Variants in RPS6KC1 observed in about 807,000 individuals in gnomAD.
RPS6KC1 encodes the protein ribosomal protein S6 kinase C1.
Under a neutral mutation model 103.8 loss-of-function variants are expected in RPS6KC1, and 54 were observed. The observed-to-expected ratio is 0.52, with a 90% CI of 0.42 to 0.65. The LOEUF is 0.65. RPS6KC1 is among the 30% of genes least tolerant of loss of function. The probability of loss-of-function intolerance (pLI) is 0.00; values close to 1 mark genes in which losing one functional copy is unlikely to be tolerated. For synonymous variants in RPS6KC1, 439 were observed against 438.7 expected, an observed-to-expected ratio of 1.00 and a Z score of -0.01; for missense variants, 1,151 against 1,253.8, an observed-to-expected ratio of 0.92 and a Z score of 1.24.
the RPS6KC1 span, among the ~76,000 whole-genome samples, chr1:213,607,688 T>TACACACACAC: frequency 0.013 from 1,859 of 140,858 alleles, 14 homozygotes; most frequent in Middle Eastern, 0.018. Flanking sequence ...CAGTTGCAAT[T>TACACACACAC]ACACACACAC....
chr1:213,059,761 C>T (rs1300351034), intron 1 of RPS6KC1, among the ~76,000 whole-genome samples: 1 of 152,140 alleles, frequency 6.6e-6, no homozygotes, highest in Non-Finnish European at 1.5e-5. Context: ...CAACCTCTGC[C>T]TCCCGGGTTC....
chr1:213,621,470 C>T, the RPS6KC1 span, among the ~76,000 whole-genome samples: 1 of 152,096 alleles, frequency 6.6e-6, no homozygotes, highest in African/African-American at 2.4e-5. Context: ...GGATGGGTCA[C>T]ATGACGCCTA....
the RPS6KC1 span, among the ~76,000 whole-genome samples, chr1:213,680,038 T>C: frequency 6.6e-6 from 1 of 152,162 alleles, no homozygotes; most frequent in South Asian, 2.1e-4. Flanking sequence ...TTCTCTTTTA[T>C]TAAATATTTG....
the RPS6KC1 span, among the ~76,000 whole-genome samples, chr1:213,312,830 GATA>G: frequency 3.9e-5 from 6 of 152,166 alleles, no homozygotes; most frequent in African/African-American, 1.4e-4. Context: ...ACAGTTGGTG[GATA>G]ATGACAGTAA....
intron 10 of RPS6KC1, among the ~76,000 whole-genome samples, chr1:213,234,076 G>T (rs541066570): frequency 1.4e-3 from 214 of 149,286 alleles, no homozygotes; most frequent in Non-Finnish European, 2.8e-3. Flanking sequence ...AGGTTAGAGT[G>T]CTATGGTACA....
chr1:213,314,659 T>TC, the RPS6KC1 span, among the ~76,000 whole-genome samples: 1 of 151,640 alleles, frequency 6.6e-6, no homozygotes, highest in African/African-American at 2.4e-5. Context: ...ACGGTGGCTT[T>TC]TTTTTTTTTT....
At chr1:213,794,902 C>T in the RPS6KC1 span, among the ~76,000 whole-genome samples, 1 of 152,232 alleles carries the variant, frequency 6.6e-6, no homozygotes, top group African/African-American at 2.4e-5. Flanking sequence ...TTGATTTAGG[C>T]CTCCCAAATG....
the RPS6KC1 span, among the ~76,000 whole-genome samples, chr1:213,287,251 TG>T: frequency 2.7e-5 from 4 of 150,614 alleles, no homozygotes; most frequent in African/African-American, 7.4e-5. Context: ...TGTGTGTGTG[TG>T]TGTGTGTGTG....
chr1:213,337,780 A>T, the RPS6KC1 span, among the ~76,000 whole-genome samples: 1 of 152,140 alleles, frequency 6.6e-6, no homozygotes, highest in African/African-American at 2.4e-5. Context: ...GGGGTTAGGG[A>T]TGATACAGCT....
At chr1:213,597,791 G>A in the RPS6KC1 span, among the ~76,000 whole-genome samples, 1 of 152,154 alleles carries the variant, frequency 6.6e-6, no homozygotes, top group Non-Finnish European at 1.5e-5. Context: ...CACTTATTTT[G>A]TTGTTGTTAG....
chr1:213,552,868 A>G, the RPS6KC1 span, among the ~76,000 whole-genome samples: 1 of 151,676 alleles, frequency 6.6e-6, no homozygotes, highest in Non-Finnish European at 1.5e-5. Context: ...TTCATCTCTC[A>G]CCTCTCTTTC....
chr1:213,397,626 C>CACACACACACACACAG, the RPS6KC1 span, among the ~76,000 whole-genome samples: 1 of 148,824 alleles, frequency 6.7e-6, no homozygotes, highest in African/African-American at 2.5e-5. Flanking sequence ...CACACACACA[C>CACACACACACACACAG]AGACACTTTG....
At chr1:213,544,093 GA>G in the RPS6KC1 span, among the ~76,000 whole-genome samples, 2 of 152,248 alleles carry the variant, frequency 1.3e-5, no homozygotes, top group East Asian at 3.9e-4. Context: ...AGCAGAGGAG[GA>G]GGGGAAGAAG....
At chr1:213,815,504 T>C in the RPS6KC1 span, among the ~76,000 whole-genome samples, 2 of 152,224 alleles carry the variant, frequency 1.3e-5, no homozygotes, top group East Asian at 1.9e-4. Context: ...TTATGAAACA[T>C]GTAGAACTTA....
chr1:213,704,057 G>A, the RPS6KC1 span, among the ~76,000 whole-genome samples: 3 of 151,910 alleles, frequency 2.0e-5, no homozygotes, highest in Non-Finnish European at 4.4e-5. Flanking sequence ...CTGCCTTCAA[G>A]CTCACTGATT....
chr1:213,396,904 C>T, the RPS6KC1 span, among the ~76,000 whole-genome samples: 1 of 152,178 alleles, frequency 6.6e-6, no homozygotes, highest in Admixed American at 6.5e-5. Flanking sequence ...CCATGGCCAA[C>T]GTAGGCACAG....
At chr1:213,635,778 G>A in the RPS6KC1 span, among the ~76,000 whole-genome samples, 7 of 152,150 alleles carry the variant, frequency 4.6e-5, no homozygotes, top group African/African-American at 7.2e-5. Flanking sequence ...GGGCAATCAG[G>A]CAAGAGAAAG....
At chr1:213,748,587 T>C in the RPS6KC1 span, among the ~76,000 whole-genome samples, 5 of 152,194 alleles carry the variant, frequency 3.3e-5, no homozygotes, top group Non-Finnish European at 5.9e-5. Context: ...ATTATTTATA[T>C]AGGCTTCAGG....
chr1:213,324,593 CTTTTTT>C, the RPS6KC1 span, among the ~76,000 whole-genome samples: 1 of 81,822 alleles, frequency 1.2e-5, no homozygotes, highest in East Asian at 4.4e-4. Context: ...GCTCGATATG[CTTTTTT>C]TTTTTTTTTT....
Sources: allele counts gnomAD v4.1 joint callset (sites outside exome capture counted in the v4.1 genomes callset), GRCh38; gene constraint gnomAD v4.1.1; transcripts MANE v1.5; gene names NCBI Gene and HGNC (gene_info 2026-07-23, HGNC 2026-07-21).